Variants in SAP18 observed in about 807,000 individuals in gnomAD.
SAP18 encodes Sin3A associated protein 18, also known as histone deacetylase complex subunit SAP18.
SAP18 carries 4 observed loss-of-function variants against 18.6 expected under a neutral mutation model. The ratio of observed to expected loss-of-function variants is 0.21; its 90% confidence interval spans 0.11 to 0.49. The LOEUF (loss-of-function observed/expected upper bound fraction) is 0.49, where lower values mean the gene tolerates loss of function less well. Among genes scored for constraint, SAP18 ranks in the 20% least tolerant of loss-of-function variants. SAP18 has a pLI of 0.98. For missense variants in SAP18, 170 were observed against 226.4 expected (o/e 0.75, Z 1.60); for synonymous variants, 112 against 82.8 (o/e 1.35, Z -1.92).
At chr13:21,140,808 G>C in intron 1 of SAP18, 78 bp from the exon 2 acceptor site, 1 of 1,570,418 alleles carries the variant, frequency 6.4e-7, no homozygotes, top group Non-Finnish European at 8.8e-7. Flanking sequence ...AGGCCGCAAC[G>C]CCTCGGGAAG....
At chr13:21,140,639 G>A (rs747038252) in exon 1 of SAP18, 42 of 1,612,866 alleles carry the variant, frequency 2.6e-5, no homozygotes, top group Non-Finnish European at 3.4e-5. Flanking sequence ...TTACCCAGGA[G>A]GAAATTAAGA....
At chr13:21,147,279 G>A in exon 4 of SAP18, 1 of 1,614,082 alleles carries the variant, frequency 6.2e-7, no homozygotes, top group Non-Finnish European at 8.5e-7. Context: ...GAGATTACTT[G>A]GACATAGCAA....
At chr13:21,146,567 C>A in intron 2 of SAP18, 2 of 308,752 alleles carry the variant, frequency 6.5e-6, no homozygotes, top group Non-Finnish European at 6.0e-6. Flanking sequence ...CTCTGAAGTC[C>A]CTTTTAGCAC....
exon 4 of SAP18, chr13:21,148,811 A>C (rs755152348): frequency 3.3e-5 from 5 of 152,208 alleles, no homozygotes; most frequent in Non-Finnish European, 5.9e-5. Context: ...AGAGGGTAGG[A>C]ACTAAATAAA....
chr13:21,147,568 G>T, exon 4 of SAP18: 1 of 503,594 alleles, frequency 2.0e-6, no homozygotes, highest in Non-Finnish European at 3.5e-6. Flanking sequence ...AGCATTCTGT[G>T]TAAAACTGTA....
exon 2 of SAP18, chr13:21,140,962 A>G (rs1565985582): frequency 1.9e-6 from 3 of 1,558,692 alleles, no homozygotes; most frequent in Non-Finnish European, 2.6e-6. Flanking sequence ...TCCCGGGGAA[A>G]TGTACCGTCC....
intron 2 of SAP18, among the ~76,000 whole-genome samples, chr13:21,145,132 T>C (rs1339334000): frequency 5.3e-5 from 8 of 149,544 alleles, no homozygotes; most frequent in African/African-American, 2.0e-4. Flanking sequence ...AGTGGCGCGA[T>C]CTCGGCTCAC....
At chr13:21,143,574 C>G (rs1869541523) in intron 2 of SAP18, among the ~76,000 whole-genome samples, 2 of 152,126 alleles carry the variant, frequency 1.3e-5, no homozygotes, top group Admixed American at 1.3e-4. Flanking sequence ...ACAAGAGTTC[C>G]TATTTGCCAG....
At chr13:21,141,300 T>A in intron 2 of SAP18, 1 of 422,650 alleles carries the variant, frequency 2.4e-6, no homozygotes, top group East Asian at 5.0e-5. Flanking sequence ...TGTTGTAGTA[T>A]CTGCCCTAAA....
chr13:21,147,473 A>C lies in SAP18; in HGVS notation c.*131A>C, dbSNP rs113356811. 590 of 808,918 alleles carry C rather than the reference A, an allele frequency of 7.3e-4. 2 individuals are homozygous for C. In the African/African-American group the frequency reaches 9.3e-3, roughly 13 times the overall value. 50.1% of individuals were successfully genotyped at this position (808,918 alleles called of 1,614,324 possible). On this transcript the variant is annotated 3_prime_UTR_variant, in exon 4 of 4. Coordinates refer to ENST00000621421, the Ensembl canonical transcript of SAP18. Reference sequence around the variant, plus strand: ...AATTATAATGCATCATCTATTTAGGAGTTAGATTTGGATGTGCTATTGTAT... The same window carrying C: ...AATTATAATGCATCATCTATTTAGGCGTTAGATTTGGATGTGCTATTGTAT...
chr13:21,146,980 T>A (rs1460677373), intron 3 of SAP18, 53 bp downstream of exon 3: 2 of 1,557,302 alleles, frequency 1.3e-6, no homozygotes, highest in Non-Finnish European at 1.7e-6. Flanking sequence ...TTAGTATGTT[T>A]TAACTGATAC....
chr13:21,145,345 T>C (rs1869614627), intron 2 of SAP18, among the ~76,000 whole-genome samples: 1 of 152,156 alleles, frequency 6.6e-6, no homozygotes, highest in African/African-American at 2.4e-5. Context: ...CAAGATATCT[T>C]ACGTATATGC....
At chr13:21,147,510 G>A in exon 4 of SAP18, 1 of 643,744 alleles carries the variant, frequency 1.6e-6, no homozygotes, top group South Asian at 2.1e-5. Context: ...ATTACGAATA[G>A]TCTGTATGTT....
chr13:21,140,413 C>CT, upstream of SAP18: 1 of 943,656 alleles, frequency 1.1e-6, no homozygotes. Context: ...CAGCACCCGC[C>CT]TTTTCCCGAA....
exon 4 of SAP18, chr13:21,147,585 AAT>A (rs1453587435): frequency 9.2e-6 from 4 of 432,670 alleles, no homozygotes; most frequent in African/African-American, 2.0e-5. Flanking sequence ...TGTACTGTTA[AAT>A]ATATGTGTGT....
chr13:21,147,275 A>T, exon 4 of SAP18: 1 of 1,614,140 alleles, frequency 6.2e-7, no homozygotes, highest in Non-Finnish European at 8.5e-7. Flanking sequence ...ATAGGAGATT[A>T]CTTGGACATA....
chr13:21,145,751 T>C (rs1869628236), intron 2 of SAP18, among the ~76,000 whole-genome samples: 3 of 152,190 alleles, frequency 2.0e-5, no homozygotes, highest in Admixed American at 2.0e-4. Context: ...GCTCCTGGCC[T>C]CAGGTGATCC....
rs777722440 is a variant in SAP18 at position 21,140,580 on chromosome 13, G to A, written c.28G>A (p.Gly10Ser). The A allele has an allele frequency of 1.9e-6, 3 of 1,605,978 alleles. No homozygotes were observed. The African/African-American group carries it at 4.0e-5, about 22-fold the overall frequency. ...GCTCGCTGCAGGGGTCGGAGGTCAG[G>A]GCGAGCGTCTCGCAGGCCGTAGGAG... is the stretch of plus-strand genomic sequence containing the variant. Residue 10 changes from glycine to serine, a missense_variant, in exon 1 of 4, where the codon GGC becomes AGC. Gly to Ser is a moderately conservative substitution (Grantham distance 56). Transcript: ENST00000621421.
chr13:21,145,017 G>C (rs1204863314), intron 2 of SAP18, among the ~76,000 whole-genome samples: 1 of 151,436 alleles, frequency 6.6e-6, no homozygotes, highest in East Asian at 1.9e-4. Context: ...AAACTTTTGA[G>C]AGCTGACGTG....
Sources: allele counts gnomAD v4.1 joint callset (sites outside exome capture counted in the v4.1 genomes callset), GRCh38; gene constraint gnomAD v4.1.1; transcripts MANE v1.5; gene names NCBI Gene and HGNC (gene_info 2026-07-23, HGNC 2026-07-21).